The following BTAF1 variants were observed in gnomAD, a reference collection of about 807,000 sequenced individuals.
BTAF1 encodes B-TFIID TATA-box binding protein associated factor 1, also known as TATA-binding protein-associated factor 172.
BTAF1 carries 38 observed loss-of-function variants against 227.1 expected under a neutral mutation model. The ratio of observed to expected loss-of-function variants is 0.17; its 90% CI spans 0.13 to 0.22. The LOEUF (loss-of-function observed/expected upper bound fraction) is 0.22, where lower values mean the gene tolerates loss of function less well. Ranked by LOEUF, BTAF1 falls within the 10% of genes least tolerant of loss-of-function variation. BTAF1 has a pLI of 1.00. For synonymous variants in BTAF1, 742 were observed against 751.9 expected, an observed-to-expected ratio of 0.99 and a Z score of 0.21; for missense variants, 1,598 against 2,204.0, an observed-to-expected ratio of 0.73 and a Z score of 5.51.
chr10:91,934,798 C>T (rs779346248), intron 1 of BTAF1, among the ~76,000 whole-genome samples: 11 of 152,118 alleles, frequency 7.2e-5, no homozygotes, highest in Non-Finnish European at 1.6e-4. Context: ...TTCCTTCTTC[C>T]GGGTATTTCT....
rs377400918 is a variant in BTAF1 at position 91,991,838 on chromosome 10, C to CAT, written c.2855-275_2855-274dup. On this transcript the variant is annotated intron_variant, in intron 20 of 37. Transcript: ENST00000265990. ...ATATATATATATATATATATACACACATATATACACACACAAACACATTAA... is the reference window on the plus strand; with the variant it reads ...ATATATATATATATATATATACACACATATATATACACACACAAACACATTAA... 0.96 allele frequency among the ~76,000 whole-genome samples: 139,423 copies of CAT among 145,968 alleles called. 66,840 individuals carry two copies. Among genetic ancestry groups the CAT allele is most frequent in the Non-Finnish European group, 1 (67,220 of 67,306 alleles).
chr10:91,942,957 T>G (rs1845111606), intron 4 of BTAF1, among the ~76,000 whole-genome samples: 1 of 152,146 alleles, frequency 6.6e-6, no homozygotes, highest in African/African-American at 2.4e-5. Context: ...GATTGTTTTG[T>G]TTTTATCACA....
At chr10:91,997,885 G>T (rs551380027) in intron 25 of BTAF1, 134 bp downstream of exon 25, 18 of 824,986 alleles carry the variant, frequency 2.2e-5, no homozygotes, top group Middle Eastern at 5.1e-4. Flanking sequence ...GAGGTGGGTG[G>T]ATCATCTGAG....
chr10:91,940,233 TAAA>T (rs201138613), intron 3 of BTAF1, among the ~76,000 whole-genome samples, 167 bp downstream of exon 3: 1 of 144,178 alleles, frequency 6.9e-6, no homozygotes, highest in African/African-American at 2.5e-5. Context: ...TTCACCACAT[TAAA>T]AAAAAAAAAC....
rs535835205 is a variant in BTAF1 at position 91,990,827 on chromosome 10, G to T, written c.2854+1247G>T. ...ATAATTAATTAATTAATAGGCCAGG[G>T]ACCAGGCAGTGGCTCATGCCTGTAA... On this transcript the variant is annotated intron_variant, in intron 20 of 37. Coordinates refer to ENST00000265990, the MANE Select transcript of BTAF1 (RefSeq NM_003972.3). Among the ~76,000 whole-genome samples, 5 of 150,664 alleles carry T rather than the reference G, an allele frequency of 3.3e-5. No homozygotes were observed. In the South Asian group the frequency reaches 1.1e-3, roughly 32 times the overall value.
intron 14 of BTAF1, among the ~76,000 whole-genome samples, chr10:91,979,244 C>T (rs533085639): frequency 2.0e-5 from 3 of 152,122 alleles, no homozygotes; most frequent in Non-Finnish European, 2.9e-5. Flanking sequence ...AGGTTGATTC[C>T]GTGTCTTTGC....
chr10:91,960,585 GTGT>G (rs1302636773), intron 11 of BTAF1, among the ~76,000 whole-genome samples: 1 of 124,064 alleles, frequency 8.1e-6, no homozygotes, highest in African/African-American at 3.8e-5. Flanking sequence ...TAAACTGTCA[GTGT>G]TTTTTTTTTT....
intron 9 of BTAF1, 45 bp from the exon 10 acceptor site, chr10:91,959,740 G>GTGTGTATATA (rs1239373067): frequency 4.4e-6 from 1 of 225,110 alleles, no homozygotes; most frequent in South Asian, 1.8e-4. Flanking sequence ...GTGTGTGTGT[G>GTGTGTATATA]TATATATATA....
intron 9 of BTAF1, among the ~76,000 whole-genome samples, chr10:91,959,570 C>A (rs965483196): frequency 6.6e-6 from 1 of 151,756 alleles, no homozygotes; most frequent in African/African-American, 2.4e-5. Context: ...ATATTAAAGA[C>A]ATTAATTGGG....
chr10:92,018,208 C>T (rs1380318491), intron 33 of BTAF1, among the ~76,000 whole-genome samples: 5 of 152,078 alleles, frequency 3.3e-5, no homozygotes, highest in African/African-American at 4.8e-5. Context: ...CTCAGCCTCC[C>T]GAGTTGCTGG....
intron 24 of BTAF1, chr10:91,997,147 A>C (rs1849196033): frequency 7.8e-7 from 1 of 1,289,278 alleles, no homozygotes; most frequent in African/African-American, 1.5e-5. Flanking sequence ...AAAATACTGA[A>C]GATTACAGGA....
intron 34 of BTAF1, among the ~76,000 whole-genome samples, chr10:92,022,400 T>C (rs958421515): frequency 6.6e-6 from 1 of 152,154 alleles, no homozygotes; most frequent in Non-Finnish European, 1.5e-5. Flanking sequence ...GGGATCTGTA[T>C]AGGATGTCAC....
In BTAF1 at chr10:91,993,811, G is replaced by A. The variant is rs977015607; in HGVS notation, c.3163G>A (p.Gly1055Ser). 1 of 1,605,002 alleles carries A rather than the reference G, an allele frequency of 6.2e-7. No homozygotes were observed. Among genetic ancestry groups the A allele is most frequent in the Non-Finnish European group, 8.5e-7 (1 of 1,175,176 alleles). ...KLPHLWDAMV[G>S]PLRNTIDINN... Reference sequence around the variant, plus strand: ...GCCACATCTCTGGGATGCTATGGTTGGCCCATTGAGGAATACAATCGACAT... The same window carrying A: ...GCCACATCTCTGGGATGCTATGGTTAGCCCATTGAGGAATACAATCGACAT... The change falls in exon 22 of 38, where the codon GGC becomes AGC. Residue 1055 changes from glycine to serine, a missense_variant. Coordinates refer to ENST00000265990, the MANE Select transcript of BTAF1 (RefSeq NM_003972.3).
chr10:91,962,493 A>C, intron 11 of BTAF1, 45 bp from the exon 12 acceptor site: 3 of 1,362,256 alleles, frequency 2.2e-6, no homozygotes, highest in Non-Finnish European at 3.0e-6. Context: ...AAGCACAGTA[A>C]CTGTAGAATA....
chr10:91,969,426 G>A (rs1847139585), intron 14 of BTAF1, among the ~76,000 whole-genome samples: 2 of 151,884 alleles, frequency 1.3e-5, no homozygotes, highest in Non-Finnish European at 2.9e-5. Context: ...TTTTTTTGGT[G>A]AGTCAGTCAC....
chr10:91,997,737 C>T lies in BTAF1; in HGVS notation c.3646C>T (p.Leu1216Phe). 1 of 1,613,574 alleles carries T rather than the reference C, an allele frequency of 6.2e-7. No individual in the cohort carries two copies. The change falls in exon 25 of 38, where the codon CTC becomes TTC. Residue 1216 changes from leucine (L) to phenylalanine (F), a missense_variant. This residue lies in a region of BTAF1 where 425 missense variants were observed against 491.2 expected (regional missense o/e 0.87). Coordinates refer to ENST00000265990, the MANE Select transcript of BTAF1 (RefSeq NM_003972.3). ...GCAGTGCTTTGCAACGCTAATTAGA[C>T]TCATGCCACTTGAGGTAAGTCAAAG... ...ATQCFATLIR[L>F]MPLEAGIPDP...
chr10:91,935,356 A>G (rs1844538074), intron 1 of BTAF1, among the ~76,000 whole-genome samples: 1 of 152,176 alleles, frequency 6.6e-6, no homozygotes, highest in African/African-American at 2.4e-5. Flanking sequence ...ATTTAGCTGT[A>G]AATAGACGGT....
chr10:91,977,294 C>T (rs1414174942), intron 14 of BTAF1, among the ~76,000 whole-genome samples: 1 of 152,044 alleles, frequency 6.6e-6, no homozygotes, highest in Non-Finnish European at 1.5e-5. Context: ...AACGCCATTT[C>T]CATAGTTTTG....
rs570784115 is a variant in BTAF1, at chr10:92,011,063, C to G, written c.4104-10C>G. 1 of 1,581,376 alleles carries G rather than the reference C, an allele frequency of 6.3e-7. No individual in the cohort carries two copies. Among genetic ancestry groups the G allele is most frequent in the African/African-American group, 1.4e-5 (1 of 73,638 alleles). On this transcript the variant is annotated splice_polypyrimidine_tract_variant and intron_variant, in intron 28 of 37. Coordinates refer to ENST00000265990, the MANE Select transcript of BTAF1 (RefSeq NM_003972.3). ...CTCTGTTTTCTAATTTTATTCATTTCTAAATAAAGGTTACAGCACCAAGTA... is the reference window on the plus strand; with the variant it reads ...CTCTGTTTTCTAATTTTATTCATTTGTAAATAAAGGTTACAGCACCAAGTA...
Sources: gnomAD v4.1 joint callset for allele counts (sites outside exome capture counted in the v4.1 genomes callset) on GRCh38, gnomAD v4.1.1 for gene constraint, gnomAD v4.1.1 regional missense constraint, MANE v1.5 for transcripts, NCBI Gene and HGNC (gene_info 2026-07-23, HGNC 2026-07-21) for gene names.